ZMYM2: variants seen among roughly 807,000 people sequenced by gnomAD.
The protein encoded by ZMYM2 is zinc finger MYM-type protein 2.
A neutral mutation model predicts 162.8 loss-of-function variants in ZMYM2; 56 were observed. The ratio of observed to expected loss-of-function variants is 0.34; its 90% CI spans 0.28 to 0.43. The LOEUF (loss-of-function observed/expected upper bound fraction) is 0.43, where lower values mean the gene tolerates loss of function less well. Among genes scored for constraint, ZMYM2 ranks in the 20% least tolerant of loss-of-function variants. ZMYM2 has a pLI of 1.00. For synonymous variants in ZMYM2, 510 were observed against 541.6 expected (o/e 0.94, Z 0.81); for missense variants, 1,275 against 1,621.8 (o/e 0.79, Z 3.67).
At chr13:20,030,107 T>A (rs925566177) in intron 9 of ZMYM2, among the ~76,000 whole-genome samples, 4 of 152,056 alleles carry the variant, frequency 2.6e-5, no homozygotes, top group African/African-American at 9.7e-5. Flanking sequence ...TAAATTGTTT[T>A]AACTTTAAAA....
rs115213323 is a variant in ZMYM2, at chr13:19,988,435, A to G, written c.-10-4628A>G. 6.0e-3 allele frequency among the ~76,000 whole-genome samples: 916 copies of G among 152,274 alleles called. 7 individuals carry two copies. Among genetic ancestry groups the G allele is most frequent in the African/African-American group, 0.021 (852 of 41,536 alleles). Reference sequence around the variant, plus strand: ...GATCTTTCCTCAAATATTTGGGACAATTGTCTACTCTGTGCTCAAGCATTG... The same window carrying G: ...GATCTTTCCTCAAATATTTGGGACAGTTGTCTACTCTGTGCTCAAGCATTG... On this transcript the variant is annotated intron_variant, in intron 2 of 24. Coordinates refer to ENST00000610343, the MANE Select transcript of ZMYM2 (RefSeq NM_197968.4).
intron 3 of ZMYM2, among the ~76,000 whole-genome samples, chr13:19,995,446 T>C (rs1949948922): frequency 6.6e-6 from 1 of 152,208 alleles, no homozygotes; most frequent in African/African-American, 2.4e-5. Context: ...AGTCTTGCTG[T>C]ATCGCCCAGG....
At chr13:19,950,653 C>T in the ZMYM2 span, among the ~76,000 whole-genome samples, 1 of 152,220 alleles carries the variant, frequency 6.6e-6, no homozygotes, top group African/African-American at 2.4e-5. Flanking sequence ...TTCTGAACCT[C>T]TTCTGGTTCC....
At chr13:19,891,003 A>G in the ZMYM2 span, among the ~76,000 whole-genome samples, 1 of 151,936 alleles carries the variant, frequency 6.6e-6, no homozygotes, top group African/African-American at 2.4e-5. Context: ...ACTTTGTAAA[A>G]TTGGAGATTG....
At chr13:19,872,660 A>G in the ZMYM2 span, among the ~76,000 whole-genome samples, 1 of 152,232 alleles carries the variant, frequency 6.6e-6, no homozygotes, top group African/African-American at 2.4e-5. Context: ...CTACGCTTTC[A>G]TTCAGATTCT....
intron 10 of ZMYM2, among the ~76,000 whole-genome samples, chr13:20,031,940 G>A (rs1011651753): frequency 1.4e-5 from 2 of 138,694 alleles, no homozygotes; most frequent in Non-Finnish European, 3.0e-5. Context: ...GCACGATCTC[G>A]GCTCACTGCA....
At chr13:19,912,720 G>A in the ZMYM2 span, among the ~76,000 whole-genome samples, 1 of 152,168 alleles carries the variant, frequency 6.6e-6, no homozygotes, top group African/African-American at 2.4e-5. Context: ...ATTGGAACTA[G>A]AGAGCAAGAA....
intron 20 of ZMYM2, 29 bp from the exon 21 acceptor site, chr13:20,067,207 TAAC>T (rs1244489597): frequency 4.7e-6 from 7 of 1,504,634 alleles, no homozygotes; most frequent in African/African-American, 2.8e-5. Context: ...CGCTAAATAA[TAAC>T]AATTATTTTT....
chr13:20,028,874 A>G (rs1330364558), intron 9 of ZMYM2, among the ~76,000 whole-genome samples: 1 of 151,246 alleles, frequency 6.6e-6, no homozygotes, highest in Non-Finnish European at 1.5e-5. Context: ...GACCGACTGT[A>G]CTTAATTTAG....
chr13:19,924,469 G>C, the ZMYM2 span, among the ~76,000 whole-genome samples: 1 of 151,442 alleles, frequency 6.6e-6, no homozygotes, highest in Non-Finnish European at 1.5e-5. Flanking sequence ...TTGGGAGGCT[G>C]AGGTGAAAGG....
the ZMYM2 span, among the ~76,000 whole-genome samples, chr13:19,866,678 A>C: frequency 1.3e-5 from 2 of 152,108 alleles, no homozygotes; most frequent in Non-Finnish European, 2.9e-5. Flanking sequence ...AACTAACTAA[A>C]TAAATAGGAA....
At chr13:20,021,218 G>A (rs1024446154) in intron 7 of ZMYM2, among the ~76,000 whole-genome samples, 14 of 151,652 alleles carry the variant, frequency 9.2e-5, no homozygotes, top group Non-Finnish European at 1.8e-4. Flanking sequence ...CTCATGATCC[G>A]CCTGCCTCGG....
In ZMYM2 at chr13:19,978,967, C is replaced by T. The variant is rs535723057; in HGVS notation, c.-10-14096C>T. On this transcript the variant is annotated intron_variant, in intron 2 of 24. Coordinates refer to ENST00000610343, the MANE Select transcript of ZMYM2 (RefSeq NM_197968.4). ...TCTGCTTTTGCTTATTTGGAAATAT[C>T]TTAGTTTCACCTTATTTTTGGAGGG... Among the ~76,000 whole-genome samples, 3 of 152,198 alleles carry T rather than the reference C, an allele frequency of 2.0e-5. No homozygotes were observed. The South Asian group carries it at 6.2e-4, about 32-fold the overall frequency.
At chr13:19,916,186 A>C in the ZMYM2 span, among the ~76,000 whole-genome samples, 2 of 151,992 alleles carry the variant, frequency 1.3e-5, no homozygotes, top group Admixed American at 1.3e-4. Context: ...CGCCAGTTAG[A>C]ATGGCGATCA....
chr13:20,074,739 C>T (rs560503319), intron 21 of ZMYM2, among the ~76,000 whole-genome samples: 24 of 152,038 alleles, frequency 1.6e-4, no homozygotes, highest in African/African-American at 5.8e-4. Context: ...GAGGTTTCAC[C>T]GTGTTAGCCG....
chr13:20,067,151 G>T (rs576327798), intron 20 of ZMYM2, 88 bp from the exon 21 acceptor site: 1 of 1,387,440 alleles, frequency 7.2e-7, no homozygotes, highest in South Asian at 1.6e-5. Flanking sequence ...TTACTTCAGA[G>T]CTCTTACAAA....
chr13:19,927,463 CTAAATATAATGCTTCCG>C, the ZMYM2 span, among the ~76,000 whole-genome samples: 1 of 152,180 alleles, frequency 6.6e-6, no homozygotes, highest in African/African-American at 2.4e-5. Flanking sequence ...CCTATTTTCA[CTAAATATAATGCTTCCG>C]TGATCCCTGC....
chr13:20,024,484 C>T (rs778000655), intron 7 of ZMYM2: 2 of 218,974 alleles, frequency 9.1e-6, no homozygotes, highest in African/African-American at 2.2e-5. Context: ...GGTGCTGATA[C>T]ATGGAGGCCT....
At chr13:19,944,610 C>T in the ZMYM2 span, among the ~76,000 whole-genome samples, 1 of 152,140 alleles carries the variant, frequency 6.6e-6, no homozygotes, top group Non-Finnish European at 1.5e-5. Context: ...GCTACTTGAG[C>T]AGGTAGGGGG....
Sources: allele counts gnomAD v4.1 joint callset (sites outside exome capture counted in the v4.1 genomes callset), GRCh38; gene constraint gnomAD v4.1.1; transcripts MANE v1.5; gene names NCBI Gene and HGNC (gene_info 2026-07-23, HGNC 2026-07-21).